The following PARD3 variants were observed in gnomAD, a reference collection of about 807,000 sequenced individuals.
PARD3 encodes par-3 family cell polarity regulator.
PARD3 carries 75 observed loss-of-function variants against 155.4 expected under a neutral mutation model. The observed-to-expected ratio is 0.48, with a 90% CI of 0.40 to 0.58. The LOEUF is 0.58. PARD3 is among the 20% of genes least tolerant of loss of function. The probability of loss-of-function intolerance (pLI) is 0.00; values close to 1 mark genes in which losing one functional copy is unlikely to be tolerated. For missense variants in PARD3, 1,642 were observed against 1,721.7 expected, an observed-to-expected ratio of 0.95 and a Z score of 0.82; for synonymous variants, 576 against 610.5, an observed-to-expected ratio of 0.94 and a Z score of 0.83.
intron 20 of PARD3, among the ~76,000 whole-genome samples, chr10:34,289,369 C>T (rs661896): frequency 0.68 from 102,645 of 151,832 alleles, 36,081 homozygotes; most frequent in African/African-American, 0.88. Context: ...TTTGCATTTT[C>T]AGTAGAGGCG....
chr10:34,591,618 C>T (rs1325208971), intron 2 of PARD3, among the ~76,000 whole-genome samples: 2 of 152,140 alleles, frequency 1.3e-5, no homozygotes, highest in African/African-American at 4.8e-5. Context: ...AGACTGAAGA[C>T]AAACCCAAGA....
chr10:34,536,259 T>C (rs622285), intron 2 of PARD3, among the ~76,000 whole-genome samples: 73,270 of 152,016 alleles, frequency 0.48, 18,460 homozygotes, highest in African/African-American at 0.64. Flanking sequence ...AATATGCATA[T>C]AAAAAGTACT....
intron 2 of PARD3, among the ~76,000 whole-genome samples, chr10:34,651,764 A>C (rs1200050179): frequency 6.6e-6 from 1 of 152,228 alleles, no homozygotes; most frequent in East Asian, 1.9e-4. Flanking sequence ...TGGTAGAACA[A>C]AGTGGACAAT....
At chr10:34,130,947 C>T (rs946631911) in intron 23 of PARD3, among the ~76,000 whole-genome samples, 2 of 152,106 alleles carry the variant, frequency 1.3e-5, no homozygotes, top group African/African-American at 4.8e-5. Context: ...TATAGTCCAG[C>T]TACTCTGGTG....
chr10:34,322,917 G>A (rs1958465207), intron 19 of PARD3, among the ~76,000 whole-genome samples: 1 of 152,164 alleles, frequency 6.6e-6, no homozygotes, highest in East Asian at 1.9e-4. Context: ...AGGATGAAAT[G>A]TAAAAATTCT....
chr10:34,301,049 A>G (rs553576160), intron 20 of PARD3, among the ~76,000 whole-genome samples: 56 of 152,308 alleles, frequency 3.7e-4, no homozygotes, highest in African/African-American at 1.3e-3. Flanking sequence ...GGTCATTTCT[A>G]TTGCTCAAAA....
At chr10:34,238,165 C>T (rs761334306) in intron 22 of PARD3, among the ~76,000 whole-genome samples, 3 of 152,156 alleles carry the variant, frequency 2.0e-5, no homozygotes, top group East Asian at 1.9e-4. Flanking sequence ...TTCAAAAGAA[C>T]GCCACTCTAA....
At chr10:34,783,254 G>T (rs1240392896) in intron 1 of PARD3, among the ~76,000 whole-genome samples, 1 of 151,858 alleles carries the variant, frequency 6.6e-6, no homozygotes, top group Admixed American at 6.6e-5. Context: ...ATTTCTGATT[G>T]GCCTCCATTT....
chr10:34,388,474 CA>C (rs1440826742), intron 7 of PARD3, among the ~76,000 whole-genome samples: 1 of 152,228 alleles, frequency 6.6e-6, no homozygotes, highest in East Asian at 1.9e-4. Context: ...TGCTCGCGAG[CA>C]GATACATTTC....
chr10:34,298,303 CAT>C (rs759570660), intron 20 of PARD3, among the ~76,000 whole-genome samples: 28 of 152,290 alleles, frequency 1.8e-4, no homozygotes, highest in Non-Finnish European at 3.2e-4. Flanking sequence ...GATAGAAACA[CAT>C]GTTAAGACAC....
At chr10:34,688,724 A>G (rs1163819728) in intron 2 of PARD3, among the ~76,000 whole-genome samples, 1 of 152,252 alleles carries the variant, frequency 6.6e-6, no homozygotes, top group African/African-American at 2.4e-5. Context: ...AGGCACTAAC[A>G]GAAAACTTCC....
At chr10:34,742,938 C>A (rs2095045168) in intron 1 of PARD3, among the ~76,000 whole-genome samples, 1 of 152,156 alleles carries the variant, frequency 6.6e-6, no homozygotes, top group African/African-American at 2.4e-5. Flanking sequence ...TTCGGAGTCA[C>A]ACGGTCTTGG....
intron 3 of PARD3, among the ~76,000 whole-genome samples, chr10:34,486,091 T>C (rs2079450792): frequency 1.3e-5 from 2 of 152,048 alleles, no homozygotes; most frequent in South Asian, 4.2e-4. Context: ...GAGTGGCTAA[T>C]TTTCTTATTT....
chr10:34,792,080 C>G (rs1366909337), intron 1 of PARD3, among the ~76,000 whole-genome samples: 1 of 152,150 alleles, frequency 6.6e-6, no homozygotes, highest in Non-Finnish European at 1.5e-5. Context: ...CTCGCTTGCT[C>G]AGATATGCGC....
At chr10:34,644,502 G>A (rs2132982416) in intron 2 of PARD3, among the ~76,000 whole-genome samples, 1 of 152,342 alleles carries the variant, frequency 6.6e-6, no homozygotes, top group South Asian at 2.1e-4. Context: ...AGGGATTTGT[G>A]CTCAAGGTTT....
At chr10:34,336,669 G>C (rs1053268770) in intron 17 of PARD3, among the ~76,000 whole-genome samples, 3 of 151,966 alleles carry the variant, frequency 2.0e-5, no homozygotes, top group Middle Eastern at 3.2e-3. Flanking sequence ...TGGATTTAAA[G>C]AGACACTACC....
chr10:34,302,205 A>G (rs1957189114), intron 20 of PARD3, among the ~76,000 whole-genome samples: 1 of 151,966 alleles, frequency 6.6e-6, no homozygotes, highest in South Asian at 2.1e-4. Flanking sequence ...GTGTTTTTCA[A>G]ATTTTGTTTT....
At chr10:34,339,091 G>A (rs929516439) in intron 16 of PARD3, among the ~76,000 whole-genome samples, 2 of 152,118 alleles carry the variant, frequency 1.3e-5, no homozygotes, top group Admixed American at 6.6e-5. Flanking sequence ...AAACCCATAT[G>A]ATAAGAAATA....
At chr10:34,634,314 G>C (rs529629620) in intron 2 of PARD3, among the ~76,000 whole-genome samples, 1 of 152,144 alleles carries the variant, frequency 6.6e-6, no homozygotes, top group African/African-American at 2.4e-5. Context: ...AGAACAGTAC[G>C]TATAGCGGGA....
Sources: gnomAD v4.1 joint callset for allele counts (sites outside exome capture counted in the v4.1 genomes callset) on GRCh38, gnomAD v4.1.1 for gene constraint, MANE v1.5 for transcripts, NCBI Gene and HGNC (gene_info 2026-07-23, HGNC 2026-07-21) for gene names.